The following DPF3 variants were observed in gnomAD, a reference collection of about 807,000 sequenced individuals.
The protein encoded by DPF3 is double PHD fingers 3, also known as zinc finger protein DPF3.
Under a neutral mutation model 56.8 loss-of-function variants are expected in DPF3, and 18 were observed. The observed-to-expected ratio is 0.32, with a 90% CI of 0.22 to 0.47. The LOEUF (loss-of-function observed/expected upper bound fraction) is 0.47, where lower values mean the gene tolerates loss of function less well. Ranked by LOEUF, DPF3 falls within the 20% of genes least tolerant of loss-of-function variation. DPF3 has a pLI of 1.00. For synonymous variants in DPF3, 188 were observed against 180.2 expected (o/e 1.04, Z -0.35); for missense variants, 403 against 488.8 (o/e 0.82, Z 1.65).
At chr14:72,730,024 G>C (rs541270520) in intron 4 of DPF3, among the ~76,000 whole-genome samples, 2 of 152,070 alleles carry the variant, frequency 1.3e-5, no homozygotes, top group Non-Finnish European at 2.9e-5. Context: ...GGGGTACACA[G>C]GAAATCTCTG....
intron 1 of DPF3, among the ~76,000 whole-genome samples, chr14:72,820,352 A>C (rs982300902): frequency 2.6e-5 from 4 of 152,216 alleles, no homozygotes; most frequent in African/African-American, 9.6e-5. Context: ...ATATCTAATA[A>C]ACAGGTTAAA....
At position 72,610,596 on chromosome 14, in the gene DPF3, C is replaced by T. The variant is rs1883663186; in HGVS notation, c.*8701G>A. On this transcript the variant is annotated 3_prime_UTR_variant, in exon 11 of 11. Transcript: ENST00000556509. ...ACCCACTTGGCAACGGGGAGATGAC[C>T]TGGTTGAGGTCTAGTTCTGGCTTTT... Among the ~76,000 whole-genome samples, 1 of 152,208 alleles carries T rather than the reference C, an allele frequency of 6.6e-6. No individual in the cohort carries two copies. The highest frequency in any genetic ancestry group is 6.5e-5 in the Admixed American group (1 of 15,284).
In DPF3 at chr14:72,841,620, T is replaced by C. The variant is rs183892439; in HGVS notation, c.32+52437A>G. Among the ~76,000 whole-genome samples, 5 of 152,290 alleles carry C rather than the reference T, an allele frequency of 3.3e-5. No homozygotes were observed. In the East Asian group the frequency reaches 7.7e-4, roughly 24 times the overall value. Reference sequence around the variant, plus strand: ...AAATTTTGGGAAAACAATCTTAAAATTTCCATTTCGAGTAGCAGTTCTAAA... The same window carrying C: ...AAATTTTGGGAAAACAATCTTAAAACTTCCATTTCGAGTAGCAGTTCTAAA... On this transcript the variant is annotated intron_variant, in intron 1 of 10. Transcript: ENST00000556509.
Position 72,892,025 on chromosome 14 carries a change from C to A in DPF3, c.32+2032G>T, listed in dbSNP as rs149831651. 232 of 1,293,710 alleles carry A rather than the reference C, an allele frequency of 1.8e-4. No homozygotes were observed. In the East Asian group the frequency reaches 5.6e-3, roughly 31 times the overall value. 80.1% of individuals were successfully genotyped at this position (1,293,710 alleles called of 1,614,324 possible). ...CAGACTCCCTCCCCAAACACGCACC[C>A]TACTGTGATCCAAAAAACCCTGGAG... On this transcript the variant is annotated intron_variant, in intron 1 of 10. Transcript: ENST00000556509.
At position 72,877,238 on chromosome 14, in the gene DPF3, G is replaced by A. The variant is rs556581665; in HGVS notation, c.32+16819C>T. On this transcript the variant is annotated intron_variant, in intron 1 of 10. Coordinates refer to ENST00000556509, the MANE Select transcript of DPF3 (RefSeq NM_001280542.3). Reference sequence around the variant, plus strand: ...TTCCAGCGGGCTTTTTCTTCCCAAGGATTTGAAAAGCTACAGTAGAGCCTG... The same window carrying A: ...TTCCAGCGGGCTTTTTCTTCCCAAGAATTTGAAAAGCTACAGTAGAGCCTG... Among the ~76,000 whole-genome samples the A allele has an allele frequency of 3.3e-5, 5 of 152,286 alleles. 1 individual carries two copies. The South Asian group carries it at 1.0e-3, about 32-fold the overall frequency.
chr14:72,876,454 A>G lies in DPF3; in HGVS notation c.32+17603T>C, dbSNP rs539791814. On this transcript the variant is annotated intron_variant, in intron 1 of 10. Coordinates refer to ENST00000556509, the MANE Select transcript of DPF3 (RefSeq NM_001280542.3). ...ACGATGAGGAGTATGAGTCTCCCCAAACAGTGACTGCCAAACCGGGACTCT... is the reference window on the plus strand; with the variant it reads ...ACGATGAGGAGTATGAGTCTCCCCAGACAGTGACTGCCAAACCGGGACTCT... Among the ~76,000 whole-genome samples the G allele has an allele frequency of 5.9e-5, 9 of 152,132 alleles. 1 individual carries two copies. The South Asian group carries it at 6.2e-4, about 11-fold the overall frequency.
intron 1 of DPF3, chr14:72,806,167 T>C (rs1882771159): frequency 6.6e-6 from 1 of 152,204 alleles, no homozygotes. Context: ...GCTCCTCAAA[T>C]ACATGATCCT....
intron 6 of DPF3, among the ~76,000 whole-genome samples, chr14:72,697,259 G>C (rs765312093): frequency 2.0e-5 from 3 of 152,132 alleles, no homozygotes; most frequent in Non-Finnish European, 4.4e-5. Flanking sequence ...CCACAAGAAG[G>C]ACAAAAATGA....
rs1316486139 is a variant in DPF3, at chr14:72,671,020, A to G, written c.871+3220T>C. On this transcript the variant is annotated intron_variant, in intron 8 of 10. Coordinates refer to ENST00000556509, the MANE Select transcript of DPF3 (RefSeq NM_001280542.3). The stretch of plus-strand genomic sequence containing the variant: ...GTGGGAGGTGAAGGGAAAAAAAGCA[A>G]GGATAGAGGGAAAATCTAAAGTTGC... The G allele has an allele frequency of 4.1e-6, 6 of 1,471,130 alleles. No homozygotes were observed. The African/African-American group carries it at 8.5e-5, about 21-fold the overall frequency. 91.1% of individuals were successfully genotyped at this position (1,471,130 alleles called of 1,614,324 possible).
intron 1 of DPF3, among the ~76,000 whole-genome samples, chr14:72,804,890 C>T (rs1428982798): frequency 6.6e-6 from 1 of 152,208 alleles, no homozygotes; most frequent in Non-Finnish European, 1.5e-5. Flanking sequence ...ATCACAGCCA[C>T]TAACTAGCTG....
At chr14:72,843,731 G>A (rs1243620466) in intron 1 of DPF3, among the ~76,000 whole-genome samples, 1 of 152,130 alleles carries the variant, frequency 6.6e-6, no homozygotes, top group African/African-American at 2.4e-5. Flanking sequence ...TAGTAGAGAT[G>A]GGGTTTCTCC....
At chr14:72,752,164 G>A (rs1407710036) in intron 3 of DPF3, among the ~76,000 whole-genome samples, 2 of 152,180 alleles carry the variant, frequency 1.3e-5, no homozygotes, top group East Asian at 3.9e-4. Context: ...TTGACAGTCT[G>A]CAATGCTGTG....
intron 4 of DPF3, among the ~76,000 whole-genome samples, chr14:72,725,541 C>A (rs1031020603): frequency 6.6e-6 from 1 of 151,970 alleles, no homozygotes; most frequent in African/African-American, 2.4e-5. Context: ...GTGACCAGTG[C>A]TTAGTGGCTC....
chr14:72,843,732 G>C (rs574128555), intron 1 of DPF3, among the ~76,000 whole-genome samples: 1 of 152,188 alleles, frequency 6.6e-6, no homozygotes, highest in East Asian at 1.9e-4. Context: ...AGTAGAGATG[G>C]GGTTTCTCCA....
intron 8 of DPF3, among the ~76,000 whole-genome samples, chr14:72,664,335 A>AAC (rs137874980): frequency 2.0e-5 from 3 of 151,818 alleles, no homozygotes; most frequent in African/African-American, 2.4e-5. Context: ...CCGACCTCCC[A>AAC]ACACACACAC....
intron 1 of DPF3, chr14:72,892,702 C>A (rs1357592226): frequency 2.0e-6 from 2 of 1,010,894 alleles, no homozygotes; most frequent in Non-Finnish European, 2.4e-6. Flanking sequence ...AGGGAGAATT[C>A]GGCATGAACC....
chr14:72,805,540 C>T (rs1388868640), intron 1 of DPF3, among the ~76,000 whole-genome samples: 7 of 150,712 alleles, frequency 4.6e-5, no homozygotes, highest in African/African-American at 9.8e-5. Flanking sequence ...ATGCCATGCA[C>T]GCACAGGGTC....
rs139723431 is a variant in DPF3 at position 72,801,895 on chromosome 14, A to G, written c.33-30002T>C. ...GAGTTTCACATAAAACACCCCAAGGACATCAAAGAAGGCTAGCTGCCAAGA... is the reference window on the plus strand; with the variant it reads ...GAGTTTCACATAAAACACCCCAAGGGCATCAAAGAAGGCTAGCTGCCAAGA... On this transcript the variant is annotated intron_variant, in intron 1 of 10. Coordinates refer to ENST00000556509, the MANE Select transcript of DPF3 (RefSeq NM_001280542.3). 7.7e-4 allele frequency among the ~76,000 whole-genome samples: 118 copies of G among 152,376 alleles called. 1 individual carries two copies. Among genetic ancestry groups the G allele is most frequent in the African/African-American group, 2.5e-3 (105 of 41,592 alleles).
intron 1 of DPF3, among the ~76,000 whole-genome samples, chr14:72,857,580 T>TTTTGTTTG (rs10652373): frequency 7.2e-5 from 11 of 151,946 alleles, no homozygotes; most frequent in African/African-American, 2.4e-5. Context: ...CAATGAGTTT[T>TTTTGTTTG]TTTGTTTGTT....
Sources: allele counts gnomAD v4.1 joint callset (sites outside exome capture counted in the v4.1 genomes callset), GRCh38; gene constraint gnomAD v4.1.1; transcripts MANE v1.5; gene names NCBI Gene and HGNC (gene_info 2026-07-23, HGNC 2026-07-21).